Variants in C10orf120 observed in about 807,000 individuals in gnomAD.
C10orf120 encodes the protein uncharacterized protein C10orf120.
Under a neutral mutation model 10.8 loss-of-function variants are expected in C10orf120, and 15 were observed. The ratio of observed to expected loss-of-function variants is 1.39; its 90% CI spans 0.93 to 2.14. The LOEUF (loss-of-function observed/expected upper bound fraction) is 2.14, where lower values mean the gene tolerates loss of function less well. C10orf120 is among the 30% of genes most tolerant of loss of function. The probability of loss-of-function intolerance (pLI) is 0.00; values close to 1 mark genes in which losing one functional copy is unlikely to be tolerated. For synonymous variants in C10orf120, 141 were observed against 138.9 expected, an observed-to-expected ratio of 1.02 and a Z score of -0.11; for missense variants, 447 against 411.3, an observed-to-expected ratio of 1.09 and a Z score of -0.75.
At chr10:122,699,140 CAAAAAAAA>C (rs67633673) in intron 2 of C10orf120, among the ~76,000 whole-genome samples, 189 bp downstream of exon 2, 49 of 21,820 alleles carry the variant, frequency 2.2e-3, no homozygotes, top group African/African-American at 5.4e-3. Context: ...GACTCCGTCT[CAAAAAAAA>C]AAAAAAAAAA....
Position 122,699,326 on chromosome 10 carries a change from G to A in C10orf120, c.252+11C>T, listed in dbSNP as rs748145243. On this transcript the variant is annotated intron_variant, in intron 2 of 2. Coordinates refer to ENST00000329446, the MANE Select transcript of C10orf120 (RefSeq NM_001010912.4). Reference sequence around the variant, plus strand: ...TGGGGCCTCTCCGTGTGAAAACTGCGGGACACTTACTAGGATCTCTTTTTC... The same window carrying A: ...TGGGGCCTCTCCGTGTGAAAACTGCAGGACACTTACTAGGATCTCTTTTTC... 3.7e-5 allele frequency: 60 copies of A among 1,604,850 alleles called. No homozygotes were observed. Among genetic ancestry groups the A allele is most frequent in the Admixed American group, 8.3e-5 (5 of 59,900 alleles).
In C10orf120 at chr10:122,699,670, G is replaced by A. The variant is rs1490558768; in HGVS notation, c.121C>T (p.Gln41Ter). Residue 41 changes from glutamine (Q) to a stop codon, truncating the protein, a stop_gained, in exon 1 of 3, where the codon CAG (glutamine) becomes TAG (stop). Coordinates refer to ENST00000329446, the MANE Select transcript of C10orf120 (RefSeq NM_001010912.4). LOFTEE classifies it high-confidence loss of function. ...VRIFNTNSSFQDQAPTCCQED... is the reference protein window; with the variant it reads ...VRIFNTNSSF ...TGGCAACACGTTGGGGCTTGATCCTGAAAGGAAGAGTTGGTATTAAATATT... is the reference window on the plus strand; with the variant it reads ...TGGCAACACGTTGGGGCTTGATCCTAAAAGGAAGAGTTGGTATTAAATATT... The A allele has an allele frequency of 1.2e-6, 2 of 1,614,086 alleles. No homozygotes were observed. Among genetic ancestry groups the A allele is most frequent in the Admixed American group, 1.7e-5 (1 of 60,014 alleles).
chr10:122,698,034 G>C lies in C10orf120; in HGVS notation c.707C>G (p.Thr236Arg), dbSNP rs1319896248. 6.2e-7 allele frequency: 1 copy of C among 1,608,426 alleles called. No homozygotes were observed. The highest frequency in any genetic ancestry group is 1.7e-5 in the Admixed American group (1 of 58,722). The change falls in exon 3 of 3, where the codon ACA becomes AGA. Residue 236 changes from threonine to arginine, a missense_variant. Physicochemically the swap from Thr to Arg is moderately conservative, Grantham distance 71. Coordinates refer to ENST00000329446, the MANE Select transcript of C10orf120 (RefSeq NM_001010912.4). ...DKKEEAEGKNTKRREIKMNVV... is the reference protein window; with the variant it reads ...DKKEEAEGKNRKRREIKMNVV... ...ATTCATTTTTATTTCTCGTCTTTTT[G>C]TGTTTTTTCCCTCTGCCTCCTCTTT...
At position 122,699,332 on chromosome 10, in the gene C10orf120, C is replaced by T. The variant is rs1164689834; in HGVS notation, c.252+5G>A. 6.2e-7 allele frequency: 1 copy of T among 1,609,704 alleles called. No individual in the cohort carries two copies. The highest frequency in any genetic ancestry group is 2.2e-5 in the East Asian group (1 of 44,824). Reference sequence around the variant, plus strand: ...CTCTCCGTGTGAAAACTGCGGGACACTTACTAGGATCTCTTTTTCCAAGGG... The same window carrying T: ...CTCTCCGTGTGAAAACTGCGGGACATTTACTAGGATCTCTTTTTCCAAGGG... On this transcript the variant is annotated splice_donor_5th_base_variant and intron_variant, in intron 2 of 2. Coordinates refer to ENST00000329446, the MANE Select transcript of C10orf120 (RefSeq NM_001010912.4).
At position 122,698,483 on chromosome 10, in the gene C10orf120, T is replaced by C; in HGVS notation, c.258A>G (p.Leu86=). 4.3e-6 allele frequency: 7 copies of C among 1,614,114 alleles called. No individual in the cohort carries two copies. The highest frequency in any genetic ancestry group is 5.9e-6 in the Non-Finnish European group (7 of 1,180,024). Residue 86 remains leucine (L), a synonymous_variant, in exon 3 of 3, where the codon CTA becomes CTG. Coordinates refer to ENST00000329446, the MANE Select transcript of C10orf120 (RefSeq NM_001010912.4). ...YSPLEKEILR[L]GGIHTIAARR... ...TTGCTGCTATGGTGTGAATGCCACC[T>C]AGACGCTGACAATGGAGAAAGGACT...
chr10:122,699,759 C>A lies in C10orf120; in HGVS notation c.32G>T (p.Arg11Met). The change falls in exon 1 of 3, where the codon AGG becomes ATG. Residue 11 changes from arginine to methionine, a missense_variant. Coordinates refer to ENST00000329446, the MANE Select transcript of C10orf120 (RefSeq NM_001010912.4). ...GTCACTAGCCCTCTGTTTTTCAATC[C>A]TCTGACAGTCATTCTTCCATTCTCT... Reference protein sequence around the residue: MIREWKNDCQRIEKQRASDTM... With the variant: MIREWKNDCQMIEKQRASDTM... 6.2e-7 allele frequency: 1 copy of A among 1,613,668 alleles called. No individual in the cohort carries two copies. The highest frequency in any genetic ancestry group is 8.5e-7 in the Non-Finnish European group (1 of 1,179,790).
rs768462950 is a variant in C10orf120, at chr10:122,697,988, T to C, written c.753A>G (p.Glu251=). 3.7e-6 allele frequency: 6 copies of C among 1,608,160 alleles called. No homozygotes were observed. The African/African-American group carries it at 8.1e-5, about 22-fold the overall frequency. The change falls in exon 3 of 3, where the codon GAA becomes GAG. Residue 251 remains glutamate (E), a synonymous_variant. Transcript: ENST00000329446. ...CATGGTATGTTAAACATTTTTTTGG[T>C]TCTTTTGACTTGAAAACTACATTCA... is the stretch of plus-strand genomic sequence containing the variant. The part of the protein sequence containing the change: ...IKMNVVFKSK[E]PKKCLTYHGN...
At position 122,699,786 on chromosome 10, in the gene C10orf120, A is replaced by T; in HGVS notation, c.5T>A (p.Ile2Asn). 6.2e-7 allele frequency: 1 copy of T among 1,611,360 alleles called. No homozygotes were observed. Among genetic ancestry groups the T allele is most frequent in the Non-Finnish European group, 8.5e-7 (1 of 1,178,604 alleles). ...CTGACAGTCATTCTTCCATTCTCTG[A>T]TCATACTCCGGCAATAAGCTAGGAC... M[I>N]REWKNDCQRI... is the part of the protein sequence containing the mutation. The change falls in exon 1 of 3, where the codon ATC becomes AAC. Residue 2 changes from isoleucine (I) to asparagine (N), a missense_variant. Coordinates refer to ENST00000329446, the MANE Select transcript of C10orf120 (RefSeq NM_001010912.4).
chr10:122,699,391 T>A lies in C10orf120; in HGVS notation c.198A>T (p.Arg66Ser), dbSNP rs1694922382. ...SPLRIWSKFY[R>S]SDPRIALGKY... ...TCCCAAGGGCAATCCGTGGGTCTGA[T>A]CTGTAGAATTTGCTCCATATCCTGC... The change falls in exon 2 of 3, where the codon AGA (arginine) becomes AGT (serine). Residue 66 changes from arginine to serine, a missense_variant. Coordinates refer to ENST00000329446, the MANE Select transcript of C10orf120 (RefSeq NM_001010912.4). 1.2e-6 allele frequency: 2 copies of A among 1,612,954 alleles called. No individual in the cohort carries two copies. The highest frequency in any genetic ancestry group is 1.3e-5 in the African/African-American group (1 of 74,898).
chr10:122,699,324 G>A lies in C10orf120; in HGVS notation c.252+13C>T, dbSNP rs769873146. On this transcript the variant is annotated intron_variant, in intron 2 of 2. Coordinates refer to ENST00000329446, the MANE Select transcript of C10orf120 (RefSeq NM_001010912.4). Reference sequence around the variant, plus strand: ...AGTGGGGCCTCTCCGTGTGAAAACTGCGGGACACTTACTAGGATCTCTTTT... The same window carrying A: ...AGTGGGGCCTCTCCGTGTGAAAACTACGGGACACTTACTAGGATCTCTTTT... 1.9e-6 allele frequency: 3 copies of A among 1,603,900 alleles called. No individual in the cohort carries two copies. The highest frequency in any genetic ancestry group is 1.1e-5 in the South Asian group (1 of 90,770).
intron 2 of C10orf120, 67 bp from the exon 3 acceptor site, chr10:122,698,555 G>C: frequency 6.9e-7 from 1 of 1,458,500 alleles, no homozygotes; most frequent in Non-Finnish European, 9.5e-7. Flanking sequence ...ACAGAAACTT[G>C]CTAGTGGCTG....
rs41308681 is a variant in C10orf120, at chr10:122,699,477, G to A, written c.177-65C>T. 2.1e-3 allele frequency: 3,124 copies of A among 1,496,172 alleles called. 5 individuals carry two copies. Among genetic ancestry groups the A allele is most frequent in the Non-Finnish European group, 2.5e-3 (2,705 of 1,077,736 alleles). 92.7% of individuals were successfully genotyped at this position (1,496,172 alleles called of 1,614,324 possible). A position where few individuals can be genotyped will look rare whatever the true frequency, so the allele number is the denominator to read the frequency against. On this transcript the variant is annotated intron_variant, in intron 1 of 2. Transcript: ENST00000329446. ...GCTCTTCCTACTTTTCCCTCCTGGA[G>A]TGGGAAGGCTCATAAAGGGTTATTC...
intron 2 of C10orf120, among the ~76,000 whole-genome samples, chr10:122,698,764 A>T (rs1365152483): frequency 6.6e-6 from 1 of 152,200 alleles, no homozygotes; most frequent in African/African-American, 2.4e-5. Context: ...GCAAGGTAGG[A>T]GCTGAAGAAA....
In C10orf120 at chr10:122,698,114, T is replaced by C; in HGVS notation, c.627A>G (p.Arg209=). 1 of 1,614,020 alleles carries C rather than the reference T, an allele frequency of 6.2e-7. No individual in the cohort carries two copies. Among genetic ancestry groups the C allele is most frequent in the Non-Finnish European group, 8.5e-7 (1 of 1,179,980 alleles). Residue 209 remains arginine (R), a synonymous_variant, in exon 3 of 3, where the codon AGA becomes AGG. Transcript: ENST00000329446. The part of the protein sequence containing the change: ...GLGPMAKNKA[R]RKEDNYDTHN... ...GGGTGTCATAGTTGTCTTCCTTTCG[T>C]CTGGCCTTATTTTTTGCCATTGGAC...
In C10orf120 at chr10:122,698,295, G is replaced by A. The variant is rs531792820; in HGVS notation, c.446C>T (p.Ala149Val). 8.4e-5 allele frequency: 135 copies of A among 1,614,126 alleles called. No individual in the cohort carries two copies. Among genetic ancestry groups the A allele is most frequent in the Admixed American group, 1.8e-4 (11 of 60,030 alleles). Residue 149 changes from alanine (A) to valine (V), a missense_variant, in exon 3 of 3, where the codon GCG (alanine) becomes GTG (valine). Coordinates refer to ENST00000329446, the MANE Select transcript of C10orf120 (RefSeq NM_001010912.4). ...LEKIWTAKVI[A>V]PLEAFKMPQR... ...TGGCATTTTAAATGCCTCCAGGGGC[G>A]CAATCACCTTTGCTGTCCATATTTT...
Position 122,698,295 on chromosome 10 carries a change from G to T in C10orf120, c.446C>A (p.Ala149Glu). Residue 149 changes from alanine to glutamate, a missense_variant, in exon 3 of 3, where the codon GCG becomes GAG. Ala to Glu is a moderately radical substitution (Grantham distance 107). Transcript: ENST00000329446. ...TGGCATTTTAAATGCCTCCAGGGGC[G>T]CAATCACCTTTGCTGTCCATATTTT... ...LEKIWTAKVI[A>E]PLEAFKMPQR... 6.2e-7 allele frequency: 1 copy of T among 1,614,128 alleles called. No individual in the cohort carries two copies. Among genetic ancestry groups the T allele is most frequent in the Non-Finnish European group, 8.5e-7 (1 of 1,180,012 alleles).
chr10:122,698,777 A>G lies in C10orf120; in HGVS notation c.253-289T>C, dbSNP rs139466863. On this transcript the variant is annotated intron_variant, in intron 2 of 2. Transcript: ENST00000329446. ...GTGCAAGGTAGGAGCTGAAGAAATA[A>G]CTGTTCCATCATTTGTTATTTACTC... Among the ~76,000 whole-genome samples the G allele has an allele frequency of 3.0e-3, 461 of 152,260 alleles. 1 individual carries two copies. The highest frequency in any genetic ancestry group is 0.011 in the African/African-American group (441 of 41,550).
chr10:122,698,036 GT>G lies in C10orf120; in HGVS notation c.704del (p.Asn235ThrfsTer7), dbSNP rs775451807. ...TCATTTTTATTTCTCGTCTTTTTGT[GT>G]TTTTTCCCTCTGCCTCCTCTTTCTT... ...QDKKEEAEGK[N>X]TKRREIKMNV... On this transcript the variant is annotated frameshift_variant, in exon 3 of 3. Coordinates refer to ENST00000329446, the MANE Select transcript of C10orf120 (RefSeq NM_001010912.4). LOFTEE classifies it low-confidence loss of function (END_TRUNC). The G allele has an allele frequency of 6.2e-7, 1 of 1,608,772 alleles. No individual in the cohort carries two copies. Among genetic ancestry groups the G allele is most frequent in the African/African-American group, 1.3e-5 (1 of 74,414 alleles).
chr10:122,698,990 C>T (rs371229063), intron 2 of C10orf120, among the ~76,000 whole-genome samples: 41 of 150,154 alleles, frequency 2.7e-4, no homozygotes, highest in African/African-American at 7.5e-4. Flanking sequence ...AAAAATTAGC[C>T]GGGCGCGGTG....
Sources: gnomAD v4.1 joint callset for allele counts (sites outside exome capture counted in the v4.1 genomes callset) on GRCh38, gnomAD v4.1.1 for gene constraint, MANE v1.5 for transcripts, NCBI Gene and HGNC (gene_info 2026-07-23, HGNC 2026-07-21) for gene names.